CDH13: variants seen among roughly 807,000 people sequenced by gnomAD.
The protein encoded by CDH13 is cadherin-13.
Under a neutral mutation model 63.8 loss-of-function variants are expected in CDH13, and 24 were observed. That is an observed-to-expected ratio of 0.38 (90% CI 0.27 to 0.53). The LOEUF (loss-of-function observed/expected upper bound fraction) is 0.53. Among genes scored for constraint, CDH13 ranks in the 20% least tolerant of loss-of-function variants. CDH13 has a pLI of 0.85. For missense variants in CDH13, 1,049 were observed against 903.1 expected, an observed-to-expected ratio of 1.16 and a Z score of -2.07; for synonymous variants, 503 against 355.3, an observed-to-expected ratio of 1.42 and a Z score of -4.67.
In CDH13 at chr16:82,938,775, G is replaced by A. The variant is rs116729573; in HGVS notation, c.157+80302G>A. On this transcript the variant is annotated intron_variant, in intron 2 of 13. Transcript: ENST00000567109. ...TATTAAGCTATGGTAGGCAACTAAA[G>A]TTTAATCCTGTAAGAAAACTCTGGA... Among the ~76,000 whole-genome samples, 1,170 of 152,324 alleles carry A rather than the reference G, an allele frequency of 7.7e-3. 11 individuals are homozygous for A. Among genetic ancestry groups the A allele is most frequent in the African/African-American group, 0.026 (1,092 of 41,576 alleles).
At chr16:83,263,054 C>T (rs1270151765) in intron 5 of CDH13, among the ~76,000 whole-genome samples, 1 of 152,152 alleles carries the variant, frequency 6.6e-6, no homozygotes, top group Non-Finnish European at 1.5e-5. Context: ...TGTTCAAATA[C>T]ATTTTGTTAT....
At chr16:83,746,236 C>G (rs947794513) in intron 10 of CDH13, among the ~76,000 whole-genome samples, 2 of 152,166 alleles carry the variant, frequency 1.3e-5, no homozygotes, top group Non-Finnish European at 2.9e-5. Context: ...ATCTAGAGGT[C>G]TAGGGGAGGG....
chr16:82,654,875 T>A (rs1241962207), intron 1 of CDH13, among the ~76,000 whole-genome samples: 1 of 152,164 alleles, frequency 6.6e-6, no homozygotes, highest in Non-Finnish European at 1.5e-5. Context: ...TATCAGTTCT[T>A]TCATCCCTCC....
intron 2 of CDH13, among the ~76,000 whole-genome samples, chr16:82,963,037 A>T (rs1472706150): frequency 6.6e-6 from 1 of 152,144 alleles, no homozygotes; most frequent in African/African-American, 2.4e-5. Flanking sequence ...GTAACACCTA[A>T]AACTTCCTGA....
chr16:83,187,914 T>G (rs2038576058), intron 4 of CDH13, among the ~76,000 whole-genome samples: 1 of 151,976 alleles, frequency 6.6e-6, no homozygotes, highest in Admixed American at 6.5e-5. Flanking sequence ...CTGGGATGAG[T>G]GCAGGGATGC....
At chr16:83,254,945 TTTTCTCTTTCTTTCTTTCTTTCTTTC>T (rs1906030270) in intron 5 of CDH13, among the ~76,000 whole-genome samples, 4 of 108,560 alleles carry the variant, frequency 3.7e-5, no homozygotes, top group Admixed American at 9.2e-5. Context: ...GATTTTTTCT[TTTTCTCTTTCTTTCTTTCTTTCTTTC>T]TTTCTTTCTT....
At chr16:83,431,758 C>G (rs1300077271) in intron 6 of CDH13, among the ~76,000 whole-genome samples, 1 of 152,044 alleles carries the variant, frequency 6.6e-6, no homozygotes, top group African/African-American at 2.4e-5. Context: ...GAGGATAGCA[C>G]CAAGGGGATG....
At position 83,233,864 on chromosome 16, in the gene CDH13, G is replaced by T. The variant is rs577201821; in HGVS notation, c.636+16367G>T. On this transcript the variant is annotated intron_variant, in intron 5 of 13. Coordinates refer to ENST00000567109, the MANE Select transcript of CDH13 (RefSeq NM_001257.5). Reference sequence around the variant, plus strand: ...GACATTAGGAGGTGGGCATCTCTGGGGGCCGCTATTCTACCTACCACCACA... The same window carrying T: ...GACATTAGGAGGTGGGCATCTCTGGTGGCCGCTATTCTACCTACCACCACA... Among the ~76,000 whole-genome samples, 465 of 152,230 alleles carry T rather than the reference G, an allele frequency of 3.1e-3. 2 individuals carry two copies. Among genetic ancestry groups the T allele is most frequent in the African/African-American group, 0.011 (437 of 41,530 alleles).
At position 82,633,537 on chromosome 16, in the gene CDH13, C is replaced by T. The variant is rs192417201; in HGVS notation, c.45+6400C>T. ...GGGATTACAGGTGCCCGCCACCAGG[C>T]CTGGCTAACTTTTTTATTTTTAGTA... On this transcript the variant is annotated intron_variant, in intron 1 of 13. Transcript: ENST00000567109. Among the ~76,000 whole-genome samples the T allele has an allele frequency of 1.5e-3, 224 of 152,272 alleles. 1 individual carries two copies. Among genetic ancestry groups the T allele is most frequent in the African/African-American group, 5.1e-3 (214 of 41,568 alleles).
At chr16:83,275,069 G>C (rs541716908) in intron 5 of CDH13, among the ~76,000 whole-genome samples, 2 of 152,064 alleles carry the variant, frequency 1.3e-5, no homozygotes, top group African/African-American at 2.4e-5. Context: ...TTATACATGA[G>C]GGCAGGGATC....
intron 10 of CDH13, among the ~76,000 whole-genome samples, chr16:83,708,956 G>A (rs979693437): frequency 1.1e-4 from 16 of 152,268 alleles, no homozygotes; most frequent in African/African-American, 2.6e-4. Context: ...CTCAGGAGGC[G>A]GAGGTTGTGA....
intron 7 of CDH13, among the ~76,000 whole-genome samples, chr16:83,519,257 G>A (rs565592368): frequency 5.1e-4 from 78 of 152,188 alleles, no homozygotes; most frequent in Non-Finnish European, 9.3e-4. Flanking sequence ...CTGAGAATAT[G>A]ATCAGGCCTG....
At chr16:82,775,864 C>T (rs1042747434) in intron 1 of CDH13, among the ~76,000 whole-genome samples, 57 of 152,120 alleles carry the variant, frequency 3.7e-4, no homozygotes, top group African/African-American at 1.3e-3. Context: ...AGGATGCATA[C>T]TGATGGCTCT....
At chr16:82,931,814 C>G (rs952202541) in intron 2 of CDH13, among the ~76,000 whole-genome samples, 2 of 151,884 alleles carry the variant, frequency 1.3e-5, no homozygotes, top group African/African-American at 4.8e-5. Flanking sequence ...GGAAACCATC[C>G]CCATGATTCA....
intron 7 of CDH13, among the ~76,000 whole-genome samples, chr16:83,593,213 A>G (rs1458140479): frequency 6.6e-6 from 1 of 152,210 alleles, no homozygotes; most frequent in Non-Finnish European, 1.5e-5. Flanking sequence ...CTAAAGAGGA[A>G]ACGAATGAAT....
chr16:83,137,174 A>T (rs2036328346), intron 4 of CDH13, among the ~76,000 whole-genome samples: 1 of 152,218 alleles, frequency 6.6e-6, no homozygotes, highest in Admixed American at 6.5e-5. Flanking sequence ...TCTCATGCCC[A>T]GTTTAGCAGT....
rs115815395 is a variant in CDH13, at chr16:82,900,058, A to G, written c.157+41585A>G. ...TTGCTCTCTCTCTCTCTTGCTTTCT[A>G]TTTCCCAGAAACATGAACTTACTTT... On this transcript the variant is annotated intron_variant, in intron 2 of 13. Transcript: ENST00000567109. Among the ~76,000 whole-genome samples the G allele has an allele frequency of 4.3e-3, 650 of 151,852 alleles. 3 individuals are homozygous for G. Among genetic ancestry groups the G allele is most frequent in the African/African-American group, 0.015 (602 of 41,358 alleles).
At chr16:83,545,392 T>G (rs2075368698) in intron 7 of CDH13, among the ~76,000 whole-genome samples, 1 of 152,238 alleles carries the variant, frequency 6.6e-6, no homozygotes. Context: ...ATTTTCACCG[T>G]AACCAGCTTC....
At chr16:82,865,477 G>A (rs1166933237) in intron 2 of CDH13, among the ~76,000 whole-genome samples, 3 of 152,234 alleles carry the variant, frequency 2.0e-5, no homozygotes, top group Non-Finnish European at 4.4e-5. Context: ...AACACCACGT[G>A]TAATATGCCT....
Sources: gnomAD v4.1 joint callset for allele counts (sites outside exome capture counted in the v4.1 genomes callset) on GRCh38, gnomAD v4.1.1 for gene constraint, MANE v1.5 for transcripts, NCBI Gene and HGNC (gene_info 2026-07-23, HGNC 2026-07-21) for gene names.